The following RTCA variants were observed in gnomAD, a reference collection of about 807,000 sequenced individuals.
The protein encoded by RTCA is RNA terminal phosphate cyclase domain 1.
A neutral mutation model predicts 46.1 loss-of-function variants in RTCA; 37 were observed. The ratio of observed to expected loss-of-function variants is 0.80; its 90% CI spans 0.62 to 1.06. The LOEUF is 1.06. RTCA is among the 50% of genes least tolerant of loss of function. The pLI is 0.00. For missense variants in RTCA, 435 were observed against 455.5 expected, an observed-to-expected ratio of 0.95 and a Z score of 0.41; for synonymous variants, 164 against 158.3, an observed-to-expected ratio of 1.04 and a Z score of -0.27.
intron 4 of RTCA, among the ~76,000 whole-genome samples, chr1:100,273,094 A>G (rs1666185571): frequency 6.6e-6 from 1 of 152,196 alleles, no homozygotes; most frequent in Non-Finnish European, 1.5e-5. Context: ...CTATATTGAG[A>G]TGCGTGAGGA....
intron 8 of RTCA, among the ~76,000 whole-genome samples, chr1:100,279,397 A>G (rs908633522): frequency 6.6e-6 from 1 of 152,218 alleles, no homozygotes; most frequent in South Asian, 2.1e-4. Context: ...CTGCCATTTA[A>G]TGGTCCTCCA....
At chr1:100,277,162 T>C (rs1666437814) in intron 7 of RTCA, 96 bp from the exon 8 acceptor site, 1 of 1,152,862 alleles carries the variant, frequency 8.7e-7, no homozygotes, top group East Asian at 2.3e-5. Flanking sequence ...CCAGATTTAG[T>C]TCTGCCTATT....
Position 100,280,603 on chromosome 1 carries a change from T to G in RTCA, c.799+3287T>G, listed in dbSNP as rs74746216. Among the ~76,000 whole-genome samples, 4,601 of 152,278 alleles carry G rather than the reference T, an allele frequency of 0.03. 391 individuals carry two copies. The East Asian group carries it at 0.32, about 11-fold the overall frequency. ...TAGCAAATGCAAAAGTAACTTGTGG[T>G]CTTCTCAATCCAGCTTGTCTATATA... On this transcript the variant is annotated intron_variant, in intron 8 of 10. Coordinates refer to ENST00000370128, the MANE Select transcript of RTCA (RefSeq NM_003729.4).
At chr1:100,267,242 C>T (rs948650103) in intron 2 of RTCA, 3 of 384,900 alleles carry the variant, frequency 7.8e-6, no homozygotes, top group Middle Eastern at 6.9e-4. Flanking sequence ...ACACTGATTG[C>T]TTTGTATGTA....
intron 5 of RTCA, 130 bp downstream of exon 5, chr1:100,273,582 A>C (rs1666216851): frequency 2.0e-6 from 1 of 509,398 alleles, no homozygotes; most frequent in African/African-American, 2.0e-5. Context: ...AAGTAATTGT[A>C]CTTTGTGGCT....
intron 8 of RTCA, 63 bp from the exon 9 acceptor site, chr1:100,285,165 C>T: frequency 1.4e-6 from 2 of 1,430,312 alleles, no homozygotes; most frequent in Non-Finnish European, 2.0e-6. Flanking sequence ...AACTTTTTGT[C>T]TCTTAGTAAT....
intron 10 of RTCA, among the ~76,000 whole-genome samples, 176 bp from the exon 11 acceptor site, chr1:100,291,227 A>T (rs975720899): frequency 6.6e-6 from 1 of 152,078 alleles, no homozygotes; most frequent in African/African-American, 2.4e-5. Flanking sequence ...GTACAATGAA[A>T]TGTGTTATCT....
chr1:100,267,811 T>C (rs1023711156), intron 2 of RTCA, among the ~76,000 whole-genome samples: 1 of 152,226 alleles, frequency 6.6e-6, no homozygotes, highest in Non-Finnish European at 1.5e-5. Context: ...GTTCAGCCCA[T>C]ACAGGCACCA....
At chr1:100,273,342 T>G in intron 4 of RTCA, 52 bp from the exon 5 acceptor site, 1 of 1,211,828 alleles carries the variant, frequency 8.3e-7, no homozygotes, top group East Asian at 2.5e-5. Flanking sequence ...ATACACTTGT[T>G]AAATTAGTGA....
At chr1:100,268,908 G>T (rs1202249955) in intron 3 of RTCA, among the ~76,000 whole-genome samples, 1 of 152,058 alleles carries the variant, frequency 6.6e-6, no homozygotes. Context: ...AAACAACCAG[G>T]CCAGGTGCGG....
intron 8 of RTCA, 47 bp downstream of exon 8, chr1:100,277,363 T>A (rs1302024520): frequency 6.7e-7 from 1 of 1,484,568 alleles, no homozygotes; most frequent in Admixed American, 2.1e-5. Flanking sequence ...TACTGCAGAA[T>A]TCTTTAATCC....
In RTCA at chr1:100,273,449, CAAGGT is replaced by C; in HGVS notation, c.473+1_473+5del. 1 of 1,569,164 alleles carries C rather than the reference CAAGGT, an allele frequency of 6.4e-7. No homozygotes were observed. The highest frequency in any genetic ancestry group is 8.7e-7 in the Non-Finnish European group (1 of 1,152,478). On this transcript the variant is annotated splice_donor_variant and coding_sequence_variant, in exon 5 of 11. Coordinates refer to ENST00000370128, the MANE Select transcript of RTCA (RefSeq NM_003729.4). LOFTEE classifies it high-confidence loss of function. ...TTCATATTTAATTGTGACATTAAAA[CAAGGT>C]AAGTTGCTTGTTTCTTAAATGTTAG...
intron 10 of RTCA, among the ~76,000 whole-genome samples, 188 bp downstream of exon 10, chr1:100,287,391 T>C (rs1315111773): frequency 6.6e-6 from 1 of 152,204 alleles, no homozygotes; most frequent in African/African-American, 2.4e-5. Flanking sequence ...GGTGGCTATT[T>C]ATTATTATTC....
intron 5 of RTCA, 153 bp downstream of exon 5, chr1:100,273,605 A>G (rs1225897741): frequency 6.1e-6 from 3 of 492,262 alleles, no homozygotes; most frequent in Non-Finnish European, 1.1e-5. Context: ...AAAATAATGA[A>G]TAGCAGGAGC....
intron 8 of RTCA, among the ~76,000 whole-genome samples, chr1:100,283,948 A>AAG (rs1557979452): frequency 3.1e-5 from 1 of 32,522 alleles, no homozygotes; most frequent in Non-Finnish European, 8.7e-5. Flanking sequence ...AAAAAAAAAA[A>AAG]AGAAAAAACA....
intron 8 of RTCA, among the ~76,000 whole-genome samples, chr1:100,283,795 A>C (rs1412320423): frequency 1.3e-5 from 2 of 151,874 alleles, no homozygotes; most frequent in African/African-American, 4.8e-5. Context: ...TACTATAAAG[A>C]AAAATAGAGT....
In RTCA at chr1:100,275,006, G is replaced by A. The variant is rs764562623; in HGVS notation, c.615+41G>A. 62 of 1,517,324 alleles carry A rather than the reference G, an allele frequency of 4.1e-5. No homozygotes were observed. The Admixed American group carries it at 5.9e-4, about 14-fold the overall frequency. The allele number at this position is 1,517,324 out of a possible 1,614,324, so 94.0% of individuals were successfully genotyped here. A position where few individuals can be genotyped will look rare whatever the true frequency, so the allele number is the denominator to read the frequency against. On this transcript the variant is annotated intron_variant, in intron 6 of 10. Coordinates refer to ENST00000370128, the MANE Select transcript of RTCA (RefSeq NM_003729.4). Reference sequence around the variant, plus strand: ...GTTCTTAGAAATAAAATATATGTGTGTCTTGATAAATATTATGTCAACTAA... The same window carrying A: ...GTTCTTAGAAATAAAATATATGTGTATCTTGATAAATATTATGTCAACTAA...
Position 100,266,512 on chromosome 1 carries a change from C to A in RTCA, c.46-12C>A. 6.2e-7 allele frequency: 1 copy of A among 1,612,250 alleles called. No individual in the cohort carries two copies. Among genetic ancestry groups the A allele is most frequent in the South Asian group, 1.1e-5 (1 of 91,014 alleles). On this transcript the variant is annotated splice_polypyrimidine_tract_variant and intron_variant, in intron 1 of 10. Coordinates refer to ENST00000370128, the MANE Select transcript of RTCA (RefSeq NM_003729.4). ...GCTTACTTCTCTTCTCCCTGTACCC[C>A]AACCTTTGCAGGGCGGCCAGATCCT...
At chr1:100,277,160 A>G in intron 7 of RTCA, 98 bp from the exon 8 acceptor site, 2 of 1,118,816 alleles carry the variant, frequency 1.8e-6, no homozygotes, top group Non-Finnish European at 2.7e-6. Context: ...GCCCAGATTT[A>G]GTTCTGCCTA....
Sources: gnomAD v4.1 joint callset for allele counts (sites outside exome capture counted in the v4.1 genomes callset) on GRCh38, gnomAD v4.1.1 for gene constraint, MANE v1.5 for transcripts, NCBI Gene and HGNC (gene_info 2026-07-23, HGNC 2026-07-21) for gene names.